Variants in CNTN3 observed in about 807,000 individuals in gnomAD.
The protein encoded by CNTN3 is contactin-3.
CNTN3 carries 60 observed loss-of-function variants against 119.1 expected under a neutral mutation model. That is an observed-to-expected ratio of 0.50 (90% CI 0.41 to 0.62). The LOEUF is 0.62. Ranked by LOEUF, CNTN3 falls within the 20% of genes least tolerant of loss-of-function variation. CNTN3 has a pLI of 0.00. For synonymous variants in CNTN3, 450 were observed against 438.7 expected (o/e 1.03, Z -0.32); for missense variants, 1,101 against 1,242.4 (o/e 0.89, Z 1.71).
chr3:74,366,807 T>TATATATAA (rs1287883934), intron 8 of CNTN3, among the ~76,000 whole-genome samples: 1 of 132,676 alleles, frequency 7.5e-6, no homozygotes, highest in Non-Finnish European at 1.6e-5. Flanking sequence ...TATATATATA[T>TATATATAA]AACTTGCTCA....
At chr3:74,401,860 C>T (rs1304235439) in intron 5 of CNTN3, among the ~76,000 whole-genome samples, 3 of 152,192 alleles carry the variant, frequency 2.0e-5, no homozygotes. Flanking sequence ...CCACTCTCAT[C>T]TTTCTCCAAT....
At chr3:74,283,435 T>C (rs1702053446) in intron 20 of CNTN3, among the ~76,000 whole-genome samples, 1 of 152,212 alleles carries the variant, frequency 6.6e-6, no homozygotes, top group Non-Finnish European at 1.5e-5. Context: ...TGGGCGTTTA[T>C]ATGCTATCCC....
Position 74,534,389 on chromosome 3 carries a change from A to G in CNTN3, c.-80-13197T>C, listed in dbSNP as rs114941315. Among the ~76,000 whole-genome samples, 981 of 152,120 alleles carry G rather than the reference A, an allele frequency of 6.4e-3. 12 individuals are homozygous for G. The highest frequency in any genetic ancestry group is 0.022 in the African/African-American group (914 of 41,510). On this transcript the variant is annotated intron_variant, in intron 1 of 22. Transcript: ENST00000263665. Reference sequence around the variant, plus strand: ...ATTATTTGCACACAGGTTTTATGTAATTTGCTTACATCAAAATGTAAAAAT... The same window carrying G: ...ATTATTTGCACACAGGTTTTATGTAGTTTGCTTACATCAAAATGTAAAAAT...
At chr3:74,489,126 C>T (rs1445566024) in intron 3 of CNTN3, among the ~76,000 whole-genome samples, 1 of 152,076 alleles carries the variant, frequency 6.6e-6, no homozygotes, top group Non-Finnish European at 1.5e-5. Flanking sequence ...TACTCTGAAA[C>T]ACAATATGGT....
intron 4 of CNTN3, among the ~76,000 whole-genome samples, chr3:74,483,256 T>A (rs1401021934): frequency 6.6e-6 from 1 of 152,036 alleles, no homozygotes; most frequent in African/African-American, 2.4e-5. Flanking sequence ...CATCTTAGGT[T>A]TGCTTTACGA....
At chr3:74,393,103 T>C (rs528468948) in intron 5 of CNTN3, among the ~76,000 whole-genome samples, 1 of 152,346 alleles carries the variant, frequency 6.6e-6, no homozygotes, top group South Asian at 2.1e-4. Context: ...GCATCTGCCA[T>C]ATTTAACTTA....
chr3:74,541,253 TGAGA>T (rs1373979605), intron 1 of CNTN3, among the ~76,000 whole-genome samples: 1 of 152,192 alleles, frequency 6.6e-6, no homozygotes, highest in African/African-American at 2.4e-5. Flanking sequence ...GACACCCATA[TGAGA>T]GAAACTCTTG....
intron 1 of CNTN3, among the ~76,000 whole-genome samples, chr3:74,557,811 C>T (rs1704093784): frequency 6.6e-6 from 1 of 151,846 alleles, no homozygotes; most frequent in African/African-American, 2.4e-5. Flanking sequence ...TGTCCATTTC[C>T]ACCTTGAGGC....
chr3:74,608,290 T>C (rs770503838), intron 1 of CNTN3, among the ~76,000 whole-genome samples: 2 of 152,134 alleles, frequency 1.3e-5, no homozygotes, highest in African/African-American at 2.4e-5. Flanking sequence ...GGCTTCCTCT[T>C]TGAAGGATGA....
chr3:74,356,964 C>T (rs1338711507), intron 11 of CNTN3, among the ~76,000 whole-genome samples: 1 of 152,098 alleles, frequency 6.6e-6, no homozygotes, highest in East Asian at 1.9e-4. Context: ...CGCTCTGTCG[C>T]CCAGGCTGGA....
intron 11 of CNTN3, among the ~76,000 whole-genome samples, chr3:74,347,852 T>C (rs1703729353): frequency 6.6e-6 from 1 of 152,218 alleles, no homozygotes; most frequent in Non-Finnish European, 1.5e-5. Context: ...GTGGTACATA[T>C]GTAAACAGAA....
At chr3:74,310,326 A>C (rs1313836942) in intron 13 of CNTN3, among the ~76,000 whole-genome samples, 1 of 152,246 alleles carries the variant, frequency 6.6e-6, no homozygotes, top group Middle Eastern at 3.2e-3. Flanking sequence ...ATTGCTATAT[A>C]ACAAATTACC....
intron 4 of CNTN3, among the ~76,000 whole-genome samples, chr3:74,431,135 A>G (rs929753078): frequency 6.6e-6 from 1 of 152,290 alleles, no homozygotes; most frequent in Admixed American, 6.5e-5. Context: ...TTAATTTTCT[A>G]TATTGGGCCA....
intron 3 of CNTN3, 25 bp downstream of exon 3, chr3:74,499,634 T>C: frequency 1.3e-6 from 2 of 1,580,004 alleles, no homozygotes. Flanking sequence ...TTTTTTTATT[T>C]GAATTTTCAA....
At chr3:74,423,864 G>A (rs1377217636) in intron 5 of CNTN3, among the ~76,000 whole-genome samples, 1 of 152,168 alleles carries the variant, frequency 6.6e-6, no homozygotes, top group African/African-American at 2.4e-5. Flanking sequence ...CCTGAAGATG[G>A]GAGATATCTG....
At chr3:74,296,980 G>A (rs1459757089) in intron 18 of CNTN3, among the ~76,000 whole-genome samples, 2 of 151,678 alleles carry the variant, frequency 1.3e-5, no homozygotes, top group African/African-American at 4.8e-5. Context: ...AAGCGGTCAT[G>A]AGACAAAATG....
At position 74,331,317 on chromosome 3, in the gene CNTN3, G is replaced by A. The variant is rs146438493; in HGVS notation, c.1668+3418C>T. On this transcript the variant is annotated intron_variant, in intron 13 of 22. Transcript: ENST00000263665. ...ACTGCCCACAGCATTCAGGGCAGTGGCATGTTGTGCAAGTTTGCAGGGCAG... is the reference window on the plus strand; with the variant it reads ...ACTGCCCACAGCATTCAGGGCAGTGACATGTTGTGCAAGTTTGCAGGGCAG... Among the ~76,000 whole-genome samples the A allele has an allele frequency of 4.5e-3, 679 of 152,278 alleles. 2 individuals carry two copies. The highest frequency in any genetic ancestry group is 0.016 in the African/African-American group (650 of 41,556).
intron 13 of CNTN3, among the ~76,000 whole-genome samples, chr3:74,308,642 T>C (rs995247539): frequency 5.3e-5 from 8 of 151,986 alleles, no homozygotes; most frequent in African/African-American, 1.5e-4. Context: ...GCCAGTGCGA[T>C]GTGTTGATTT....
Position 74,521,063 on chromosome 3 carries a change from A to T in CNTN3, c.50T>A (p.Leu17Ter). ...QLILLSFIGCLGGELLLQGPV... is the reference protein window; with the variant it reads ...QLILLSFIGC ...AATATAGGATTTTTTTTTACCTCCT[A>T]AGCAGCCAATGAATGAAAGCAGGAT... Residue 17 changes from leucine to a stop codon, truncating the protein, a stop_gained, in exon 2 of 23, where the codon TTA (leucine) becomes TAA (stop). Coordinates refer to ENST00000263665, the MANE Select transcript of CNTN3 (RefSeq NM_020872.3). LOFTEE classifies it high-confidence loss of function. The T allele has an allele frequency of 6.3e-7, 1 of 1,592,032 alleles. No homozygotes were observed. The highest frequency in any genetic ancestry group is 8.6e-7 in the Non-Finnish European group (1 of 1,167,130).
Sources: gnomAD v4.1 joint callset for allele counts (sites outside exome capture counted in the v4.1 genomes callset) on GRCh38, gnomAD v4.1.1 for gene constraint, MANE v1.5 for transcripts, NCBI Gene and HGNC (gene_info 2026-07-23, HGNC 2026-07-21) for gene names.